The following PTPRM variants were observed in gnomAD, a reference collection of about 807,000 sequenced individuals.
The protein encoded by PTPRM is protein tyrosine phosphatase receptor type M.
PTPRM carries 47 observed loss-of-function variants against 186.7 expected under a neutral mutation model. The observed-to-expected ratio is 0.25, with a 90% CI of 0.20 to 0.32. The LOEUF (loss-of-function observed/expected upper bound fraction) is 0.32, where lower values mean the gene tolerates loss of function less well. Among genes scored for constraint, PTPRM ranks in the 10% least tolerant of loss-of-function variants. The pLI is 1.00. For missense variants in PTPRM, 1,494 were observed against 1,865.0 expected (o/e 0.80, Z 3.66); for synonymous variants, 668 against 674.9 (o/e 0.99, Z 0.16).
intron 7 of PTPRM, chr18:7,995,657 G>A (rs1055403260): frequency 2.6e-5 from 4 of 152,176 alleles, no homozygotes; most frequent in African/African-American, 7.2e-5. Flanking sequence ...ATGAGGAGGA[G>A]GCACAGTGTT....
intron 6 of PTPRM, among the ~76,000 whole-genome samples, chr18:7,952,002 C>T (rs749503151): frequency 1.3e-5 from 2 of 152,196 alleles, no homozygotes; most frequent in Non-Finnish European, 2.9e-5. Flanking sequence ...CTAACCATCA[C>T]TCTCATCTTT....
At chr18:7,780,342 C>T (rs2042795521) in intron 2 of PTPRM, among the ~76,000 whole-genome samples, 1 of 152,194 alleles carries the variant, frequency 6.6e-6, no homozygotes, top group African/African-American at 2.4e-5. Flanking sequence ...GGCACAACGA[C>T]AGCCTTCACT....
intron 22 of PTPRM, among the ~76,000 whole-genome samples, chr18:8,331,681 C>A (rs1411139061): frequency 6.6e-6 from 1 of 152,188 alleles, no homozygotes; most frequent in East Asian, 1.9e-4. Flanking sequence ...CATCCTACAC[C>A]TGTTAATGCT....
chr18:7,633,941 C>A (rs570432330), intron 1 of PTPRM, among the ~76,000 whole-genome samples: 1 of 152,244 alleles, frequency 6.6e-6, no homozygotes, highest in Admixed American at 6.5e-5. Flanking sequence ...ATGGTCTAGT[C>A]TGACCATTCC....
chr18:7,759,331 A>G lies in PTPRM; in HGVS notation c.74-14818A>G, dbSNP rs956517005. ...AGAGATCCAAGCCACAGATAATCAA[A>G]TATAAAATTACCCACTCAGACTATT... On this transcript the variant is annotated intron_variant, in intron 1 of 32. Coordinates refer to ENST00000580170, the MANE Select transcript of PTPRM (RefSeq NM_001105244.2). 2.0e-4 allele frequency among the ~76,000 whole-genome samples: 31 copies of G among 152,376 alleles called. 1 individual carries two copies. The highest frequency in any genetic ancestry group is 3.4e-3 in the Middle Eastern group (1 of 294).
intron 1 of PTPRM, among the ~76,000 whole-genome samples, chr18:7,755,778 A>G (rs541857637): frequency 6.6e-6 from 1 of 152,282 alleles, no homozygotes; most frequent in South Asian, 2.1e-4. Flanking sequence ...TCTATTTTGC[A>G]CTGGTCCTTT....
chr18:8,181,362 A>G (rs1444728583), intron 14 of PTPRM, among the ~76,000 whole-genome samples: 1 of 152,194 alleles, frequency 6.6e-6, no homozygotes, highest in African/African-American at 2.4e-5. Flanking sequence ...GCTGGAGGCA[A>G]CTTCTGAGGA....
chr18:7,679,010 A>G (rs937619753), intron 1 of PTPRM, among the ~76,000 whole-genome samples: 5 of 152,224 alleles, frequency 3.3e-5, no homozygotes, highest in African/African-American at 1.2e-4. Context: ...CAGCAATGTT[A>G]GGCGTGCCCT....
In PTPRM at chr18:7,624,988, G is replaced by C. The variant is rs181234912; in HGVS notation, c.73+57097G>C. On this transcript the variant is annotated intron_variant, in intron 1 of 32. Transcript: ENST00000580170. ...AGTAACCAGGCACATTCCCTCTGCT[G>C]TTCCTCCATTAGCTACTATTTTCAA... Among the ~76,000 whole-genome samples, 25 of 152,278 alleles carry C rather than the reference G, an allele frequency of 1.6e-4. No individual in the cohort carries two copies. The East Asian group carries it at 3.1e-3, about 19-fold the overall frequency.
At chr18:7,913,109 A>G (rs571449927) in intron 4 of PTPRM, among the ~76,000 whole-genome samples, 5 of 76,488 alleles carry the variant, frequency 6.5e-5, no homozygotes, top group Admixed American at 2.1e-4. Context: ...TGTTTTAAGT[A>G]GAATTGTTTT....
chr18:8,179,070 TTATCTC>T lies in PTPRM; in HGVS notation c.2300+35295_2300+35300del, dbSNP rs1208807870. Reference sequence around the variant, plus strand: ...GGCCAGCTTTCCCAAGGGACTTTTATTATCTCTATAAGTCAGATTTGATTCCTTAAA... The same window carrying T: ...GGCCAGCTTTCCCAAGGGACTTTTATTATAAGTCAGATTTGATTCCTTAAA... On this transcript the variant is annotated intron_variant, in intron 14 of 32. Coordinates refer to ENST00000580170, the MANE Select transcript of PTPRM (RefSeq NM_001105244.2). Among the ~76,000 whole-genome samples, 4 of 152,206 alleles carry T rather than the reference TTATCTC, an allele frequency of 2.6e-5. No individual in the cohort carries two copies. In the East Asian group the frequency reaches 7.7e-4, roughly 29 times the overall value.
At chr18:8,196,732 C>T (rs1026297396) in intron 14 of PTPRM, among the ~76,000 whole-genome samples, 5 of 152,184 alleles carry the variant, frequency 3.3e-5, no homozygotes, top group East Asian at 3.9e-4. Flanking sequence ...TTGTGTGTGA[C>T]GTTGACATGT....
At chr18:8,054,852 A>G (rs529222829) in intron 7 of PTPRM, among the ~76,000 whole-genome samples, 1 of 152,194 alleles carries the variant, frequency 6.6e-6, no homozygotes, top group Admixed American at 6.5e-5. Context: ...ATTCTTTGAA[A>G]TTAGCTTTAT....
At chr18:7,796,477 A>G (rs1400648690) in intron 2 of PTPRM, among the ~76,000 whole-genome samples, 1 of 152,220 alleles carries the variant, frequency 6.6e-6, no homozygotes, top group Admixed American at 6.5e-5. Context: ...GCTGGAGCCA[A>G]TTCATTCTGG....
rs138162987 is a variant in PTPRM at position 7,570,264 on chromosome 18, A to T, written c.73+2373A>T. ...TCAGGGTTTTGTTTTTTGTTTTTGT[A>T]TGTTGAGGAAGTTAATTCTGAATGC... On this transcript the variant is annotated intron_variant, in intron 1 of 32. Transcript: ENST00000580170. Among the ~76,000 whole-genome samples the T allele has an allele frequency of 3.9e-4, 59 of 152,172 alleles. 1 individual carries two copies. The highest frequency in any genetic ancestry group is 1.4e-3 in the African/African-American group (59 of 41,522).
rs1409164589 is a variant in PTPRM at position 7,966,816 on chromosome 18, G to A, written c.1132+11402G>A. On this transcript the variant is annotated intron_variant, in intron 7 of 32. Transcript: ENST00000580170. ...GCTCGGAGGGTCCTACGCCCACGGA[G>A]TCTCGCTGATTGCCAGCACAGCAGT... Among the ~76,000 whole-genome samples the A allele has an allele frequency of 1.6e-4, 21 of 131,508 alleles. 1 individual carries two copies. Among genetic ancestry groups the A allele is most frequent in the Middle Eastern group, 3.6e-3 (1 of 280 alleles). The allele number at this position is 131,508 out of a possible 152,430, so 86.3% of individuals were successfully genotyped here. A position where few individuals can be genotyped will look rare whatever the true frequency, so the allele number is the denominator to read the frequency against.
intron 1 of PTPRM, among the ~76,000 whole-genome samples, chr18:7,711,483 A>C (rs1418993976): frequency 6.6e-6 from 1 of 152,146 alleles, no homozygotes; most frequent in Non-Finnish European, 1.5e-5. Context: ...GAGAGACAGA[A>C]CCATTCACTC....
intron 7 of PTPRM, among the ~76,000 whole-genome samples, chr18:8,022,906 G>C (rs2085321675): frequency 6.6e-6 from 1 of 152,204 alleles, no homozygotes; most frequent in Admixed American, 6.5e-5. Flanking sequence ...ACAAGCTTCT[G>C]AGGAAGTGGG....
chr18:7,713,477 C>G (rs985071597), intron 1 of PTPRM, among the ~76,000 whole-genome samples: 5 of 151,996 alleles, frequency 3.3e-5, no homozygotes, highest in African/African-American at 1.2e-4. Flanking sequence ...GGCAAAATAA[C>G]ACAGCTAGCA....
Sources: gnomAD v4.1 joint callset for allele counts (sites outside exome capture counted in the v4.1 genomes callset) on GRCh38, gnomAD v4.1.1 for gene constraint, MANE v1.5 for transcripts, NCBI Gene and HGNC (gene_info 2026-07-23, HGNC 2026-07-21) for gene names.